PAPPA2: variants seen among roughly 807,000 people sequenced by gnomAD.
PAPPA2 encodes the protein pappalysin-2.
PAPPA2 carries 86 observed loss-of-function variants against 176.4 expected under a neutral mutation model. The ratio of observed to expected loss-of-function variants is 0.49; its 90% CI spans 0.41 to 0.58. The LOEUF is 0.58. Among genes scored for constraint, PAPPA2 ranks in the 20% least tolerant of loss-of-function variants. The pLI is 0.00. For synonymous variants in PAPPA2, 809 were observed against 852.2 expected (o/e 0.95, Z 0.88); for missense variants, 2,073 against 2,256.9 (o/e 0.92, Z 1.65).
intron 2 of PAPPA2, among the ~76,000 whole-genome samples, chr1:176,560,442 C>A (rs2102597129): frequency 6.6e-6 from 1 of 152,308 alleles, no homozygotes; most frequent in East Asian, 1.9e-4. Context: ...TACCTGGGTC[C>A]CTGCAAGGTA....
chr1:176,823,566 C>T (rs1666744756), intron 21 of PAPPA2, among the ~76,000 whole-genome samples: 1 of 152,148 alleles, frequency 6.6e-6, no homozygotes, highest in South Asian at 2.1e-4. Context: ...TTCTCACTTA[C>T]ATTAAGTCTG....
chr1:176,840,274 G>A lies in PAPPA2; in HGVS notation c.5301+3G>A. On this transcript the variant is annotated splice_donor_region_variant and intron_variant, in intron 22 of 22. Transcript: ENST00000367662. ...CTTCCACACTCTCCTCCAAGAAGGT[G>A]AGTGAGAGAACCTGGGGATGGGGGA... is the stretch of plus-strand genomic sequence containing the variant. 1 of 1,607,620 alleles carries A rather than the reference G, an allele frequency of 6.2e-7. No individual in the cohort carries two copies. Among genetic ancestry groups the A allele is most frequent in the South Asian group, 1.1e-5 (1 of 90,902 alleles).
chr1:176,550,862 A>G (rs903961446), intron 1 of PAPPA2, among the ~76,000 whole-genome samples: 1 of 152,206 alleles, frequency 6.6e-6, no homozygotes, highest in Non-Finnish European at 1.5e-5. Flanking sequence ...TAGAACACAT[A>G]TGACCAACAT....
intron 1 of PAPPA2, among the ~76,000 whole-genome samples, chr1:176,530,732 A>G (rs1419115304): frequency 6.6e-6 from 1 of 152,190 alleles, no homozygotes; most frequent in Admixed American, 6.5e-5. Flanking sequence ...AAGTCTCTGG[A>G]TCTTCACTTT....
chr1:176,631,684 TAAG>T (rs750490675), intron 3 of PAPPA2, among the ~76,000 whole-genome samples: 8 of 152,078 alleles, frequency 5.3e-5, no homozygotes, highest in East Asian at 1.9e-4. Flanking sequence ...ATTTTAGTGA[TAAG>T]GAGGAGTGAA....
chr1:176,705,150 TGGATA>T (rs1328805200), intron 9 of PAPPA2, among the ~76,000 whole-genome samples: 2 of 152,208 alleles, frequency 1.3e-5, no homozygotes, highest in African/African-American at 4.8e-5. Flanking sequence ...GGAGACTTCT[TGGATA>T]TAGCACACAT....
chr1:176,696,208 G>A (rs1385382338), intron 7 of PAPPA2, among the ~76,000 whole-genome samples: 1 of 151,702 alleles, frequency 6.6e-6, no homozygotes, highest in African/African-American at 2.4e-5. Context: ...ACTGGTCCTT[G>A]GAGTAGCCGT....
At chr1:176,825,546 G>C (rs1296402173) in intron 21 of PAPPA2, among the ~76,000 whole-genome samples, 1 of 152,178 alleles carries the variant, frequency 6.6e-6, no homozygotes, top group Non-Finnish European at 1.5e-5. Flanking sequence ...TTGGTTATGG[G>C]GGTCGTTAGA....
intron 21 of PAPPA2, among the ~76,000 whole-genome samples, chr1:176,821,144 T>C (rs1666648203): frequency 6.6e-6 from 1 of 152,210 alleles, no homozygotes. Context: ...TCAGTGAAAA[T>C]TATATTTTCT....
intron 1 of PAPPA2, among the ~76,000 whole-genome samples, chr1:176,512,575 A>G (rs1648671432): frequency 1.3e-5 from 2 of 152,208 alleles, no homozygotes; most frequent in South Asian, 4.1e-4. Context: ...AACATAAAGC[A>G]GATCATTGGC....
chr1:176,571,094 G>A (rs947007098), intron 2 of PAPPA2, among the ~76,000 whole-genome samples: 1 of 152,118 alleles, frequency 6.6e-6, no homozygotes, highest in African/African-American at 2.4e-5. Flanking sequence ...TATGGGCAAT[G>A]GCATTGAATG....
Position 176,557,100 on chromosome 1 carries a change from C to G in PAPPA2, c.778C>G (p.Leu260Val), listed in dbSNP as rs370204421. The G allele has an allele frequency of 3.1e-6, 5 of 1,613,916 alleles. No homozygotes were observed. Among genetic ancestry groups the G allele is most frequent in the Non-Finnish European group, 4.2e-6 (5 of 1,180,014 alleles). ...EAETFNSQVGLPILYFSGRRE... is the reference protein window; with the variant it reads ...EAETFNSQVGVPILYFSGRRE... Reference sequence around the variant, plus strand: ...AGAGACCTTTAACTCCCAAGTAGGACTGCCCATCTTATACTTCTCTGGGAG... The same window carrying G: ...AGAGACCTTTAACTCCCAAGTAGGAGTGCCCATCTTATACTTCTCTGGGAG... The change falls in exon 2 of 23, where the codon CTG (leucine) becomes GTG (valine). Residue 260 changes from leucine (L) to valine (V), a missense_variant. Coordinates refer to ENST00000367662, the MANE Select transcript of PAPPA2 (RefSeq NM_020318.3).
At chr1:176,713,238 C>T (rs1350127418) in intron 12 of PAPPA2, among the ~76,000 whole-genome samples, 1 of 151,714 alleles carries the variant, frequency 6.6e-6, no homozygotes, top group African/African-American at 2.4e-5. Context: ...TTACTATAGC[C>T]TTGAACTCCT....
At chr1:176,470,418 G>T (rs1402577748) in intron 1 of PAPPA2, among the ~76,000 whole-genome samples, 2 of 152,162 alleles carry the variant, frequency 1.3e-5, no homozygotes, top group African/African-American at 4.8e-5. Context: ...TCCTGGTGAA[G>T]ATGACTCCAC....
At chr1:176,693,079 T>C (rs2102809752) in intron 6 of PAPPA2, among the ~76,000 whole-genome samples, 1 of 152,330 alleles carries the variant, frequency 6.6e-6, no homozygotes, top group South Asian at 2.1e-4. Flanking sequence ...GGAAAATGAA[T>C]GACATCTGAT....
chr1:176,528,161 G>A (rs2102547793), intron 1 of PAPPA2, among the ~76,000 whole-genome samples: 1 of 152,200 alleles, frequency 6.6e-6, no homozygotes, highest in South Asian at 2.1e-4. Flanking sequence ...CATTTGAATG[G>A]TTCTGCATTC....
chr1:176,758,362 C>G (rs1293697682), intron 14 of PAPPA2, among the ~76,000 whole-genome samples: 1 of 152,028 alleles, frequency 6.6e-6, no homozygotes, highest in African/African-American at 2.4e-5. Flanking sequence ...GAGTCAGAAT[C>G]AAGACTTTTT....
intron 1 of PAPPA2, chr1:176,553,479 G>A (rs1054552197): frequency 1.3e-5 from 2 of 152,004 alleles, no homozygotes; most frequent in African/African-American, 4.8e-5. Flanking sequence ...ACACAGAAAT[G>A]GTTCAACATT....
intron 15 of PAPPA2, 102 bp downstream of exon 15, chr1:176,765,939 C>T: frequency 1.4e-6 from 2 of 1,414,418 alleles, no homozygotes; most frequent in Non-Finnish European, 9.5e-7. Context: ...TGTTTTTAAA[C>T]CATTTGAAAG....
Sources: gnomAD v4.1 joint callset for allele counts (sites outside exome capture counted in the v4.1 genomes callset) on GRCh38, gnomAD v4.1.1 for gene constraint, MANE v1.5 for transcripts, NCBI Gene and HGNC (gene_info 2026-07-23, HGNC 2026-07-21) for gene names.